CD109: variants seen among roughly 807,000 people sequenced by gnomAD.
The protein encoded by CD109 is CD109 molecule.
CD109 carries 149 observed loss-of-function variants against 165.8 expected under a neutral mutation model. The observed-to-expected ratio is 0.90, with a 90% CI of 0.79 to 1.03. The LOEUF is 1.03. Among genes scored for constraint, CD109 ranks in the 50% least tolerant of loss-of-function variants. CD109 has a pLI of 0.00. For synonymous variants in CD109, 585 were observed against 592.1 expected (o/e 0.99, Z 0.18); for missense variants, 1,712 against 1,677.8 (o/e 1.02, Z -0.36).
rs1774738331 is a variant in CD109, at chr6:73,787,399, A to G, written c.2503A>G (p.Thr835Ala). ...TCTGGGAGAAATTCCTATCACAGTC[A>G]CAGCTCTTTCACCCACTGCTTCTGA... Reference protein sequence around the residue: ...THLGEIPITVTALSPTASDAV... With the variant: ...THLGEIPITVAALSPTASDAV... Residue 835 changes from threonine to alanine, a missense_variant, in exon 21 of 33, where the codon ACA becomes GCA. Thr to Ala is a moderately conservative substitution (Grantham distance 58, BLOSUM62 0). Coordinates refer to ENST00000287097, the MANE Select transcript of CD109 (RefSeq NM_133493.5). 1.2e-6 allele frequency: 2 copies of G among 1,614,078 alleles called. No individual in the cohort carries two copies. Among genetic ancestry groups the G allele is most frequent in the Non-Finnish European group, 1.7e-6 (2 of 1,179,950 alleles).
intron 23 of CD109, among the ~76,000 whole-genome samples, chr6:73,800,237 G>A (rs1209320539): frequency 1.3e-5 from 2 of 151,990 alleles, no homozygotes; most frequent in Non-Finnish European, 2.9e-5. Context: ...ACTTAACAGT[G>A]TATCCAGGAA....
At chr6:73,742,806 T>A (rs1465926896) in intron 5 of CD109, among the ~76,000 whole-genome samples, 1 of 152,206 alleles carries the variant, frequency 6.6e-6, no homozygotes, top group African/African-American at 2.4e-5. Flanking sequence ...ACTGGGAGCT[T>A]GTTTAAAGAT....
At chr6:73,772,791 A>G (rs556091497) in intron 15 of CD109, among the ~76,000 whole-genome samples, 5 of 152,110 alleles carry the variant, frequency 3.3e-5, no homozygotes, top group African/African-American at 7.2e-5. Flanking sequence ...AAAGAAAACT[A>G]TATATAGTTG....
intron 23 of CD109, among the ~76,000 whole-genome samples, chr6:73,801,844 A>G (rs1053804741): frequency 6.6e-6 from 1 of 152,216 alleles, no homozygotes; most frequent in Non-Finnish European, 1.5e-5. Flanking sequence ...CTGTGCTGCA[A>G]AGCTCAGGCT....
chr6:73,737,403 C>T (rs1285442827), intron 5 of CD109, among the ~76,000 whole-genome samples: 1 of 152,108 alleles, frequency 6.6e-6, no homozygotes, highest in Non-Finnish European at 1.5e-5. Flanking sequence ...CACCCTGCAT[C>T]TTTATGGGTG....
At chr6:73,743,811 T>G (rs1256632279) in intron 5 of CD109, among the ~76,000 whole-genome samples, 6 of 152,208 alleles carry the variant, frequency 3.9e-5, no homozygotes, top group Non-Finnish European at 5.9e-5. Context: ...TCCAAAATAC[T>G]TTCACTAGTC....
At chr6:73,714,479 G>C (rs1027266562) in intron 2 of CD109, among the ~76,000 whole-genome samples, 2 of 152,186 alleles carry the variant, frequency 1.3e-5, no homozygotes, top group African/African-American at 2.4e-5. Context: ...CCCTAGTGCA[G>C]TTTCCCCCTT....
the CD109 span, among the ~76,000 whole-genome samples, chr6:73,689,006 G>A: frequency 5.3e-5 from 8 of 152,068 alleles, no homozygotes; most frequent in Non-Finnish European, 1.0e-4. Context: ...CTGAGCTCAA[G>A]CAGTACTCCT....
intron 22 of CD109, among the ~76,000 whole-genome samples, chr6:73,789,286 A>G (rs1283316794): frequency 6.6e-6 from 1 of 152,194 alleles, no homozygotes; most frequent in Non-Finnish European, 1.5e-5. Context: ...ACATAATAGT[A>G]CTTTTCAAAA....
intron 14 of CD109, among the ~76,000 whole-genome samples, chr6:73,770,883 G>T (rs939661398): frequency 1.3e-5 from 2 of 152,210 alleles, no homozygotes; most frequent in African/African-American, 4.8e-5. Context: ...GGGTAATGGT[G>T]AGGAAGTTTA....
the CD109 span, among the ~76,000 whole-genome samples, chr6:73,687,205 G>T: frequency 6.6e-5 from 10 of 151,914 alleles, no homozygotes; most frequent in African/African-American, 2.2e-4. Context: ...TCTACTATTT[G>T]GTTACCCAGT....
chr6:73,801,617 C>T (rs2150285145), intron 23 of CD109, among the ~76,000 whole-genome samples: 1 of 152,248 alleles, frequency 6.6e-6, no homozygotes, highest in East Asian at 1.9e-4. Flanking sequence ...TTTGGAAAGA[C>T]TCAGGGAGAA....
At position 73,825,314 on chromosome 6, in the gene CD109, T is replaced by C. The variant is rs1353371631; in HGVS notation, c.*1681T>C. 1 of 152,202 alleles carries C rather than the reference T, an allele frequency of 6.6e-6. No homozygotes were observed. Among genetic ancestry groups the C allele is most frequent in the Non-Finnish European group, 1.5e-5 (1 of 68,042 alleles). 9.4% of individuals were successfully genotyped at this position (152,202 alleles called of 1,614,324 possible). Reference sequence around the variant, plus strand: ...TTAAGTGGGGAAAAGTTTCTAGATCTCTTACACCTCTGACACAATCTGTTC... The same window carrying C: ...TTAAGTGGGGAAAAGTTTCTAGATCCCTTACACCTCTGACACAATCTGTTC... On this transcript the variant is annotated 3_prime_UTR_variant, in exon 33 of 33. Coordinates refer to ENST00000287097, the MANE Select transcript of CD109 (RefSeq NM_133493.5).
the CD109 span, among the ~76,000 whole-genome samples, chr6:73,683,236 T>A: frequency 6.6e-6 from 1 of 152,210 alleles, no homozygotes; most frequent in African/African-American, 2.4e-5. Flanking sequence ...AGCACCCAAG[T>A]CACCTCTTGA....
chr6:73,807,703 A>G (rs1164890996), intron 25 of CD109, among the ~76,000 whole-genome samples: 1 of 152,142 alleles, frequency 6.6e-6, no homozygotes, highest in East Asian at 1.9e-4. Flanking sequence ...ACTAGTAGGC[A>G]TGTAGAAGCT....
At chr6:73,758,329 G>A (rs1773478054) in intron 6 of CD109, among the ~76,000 whole-genome samples, 1 of 152,058 alleles carries the variant, frequency 6.6e-6, no homozygotes, top group African/African-American at 2.4e-5. Flanking sequence ...TTTTACTCTG[G>A]TGGAGTGCTT....
At chr6:73,787,597 C>T in intron 21 of CD109, 145 bp downstream of exon 21, 4 of 601,454 alleles carry the variant, frequency 6.7e-6, no homozygotes, top group South Asian at 2.2e-5. Flanking sequence ...ACTTTCTAAT[C>T]TGTATGTAAA....
intron 5 of CD109, among the ~76,000 whole-genome samples, chr6:73,740,790 C>T (rs980305669): frequency 1.3e-5 from 2 of 151,714 alleles, no homozygotes; most frequent in African/African-American, 4.8e-5. Flanking sequence ...ACGGTTTCAT[C>T]ATGTTGGCCA....
At position 73,811,018 on chromosome 6, in the gene CD109, G is replaced by T. The variant is rs1364172699; in HGVS notation, c.3573G>T (p.Leu1191=). Residue 1191 remains leucine, a synonymous_variant, in exon 28 of 33, where the codon CTG becomes CTT. Transcript: ENST00000287097. The part of the protein sequence containing the change: ...TQDTTVALKA[L]SEFAALMNTE... ...ATACCACTGTGGCTTTAAAGGCTCT[G>T]TCTGAATTTGCAGCCCTAATGAATA... 2.5e-6 allele frequency: 4 copies of T among 1,613,246 alleles called. No individual in the cohort carries two copies. The highest frequency in any genetic ancestry group is 2.5e-6 in the Non-Finnish European group (3 of 1,179,452).
Sources: allele counts gnomAD v4.1 joint callset (sites outside exome capture counted in the v4.1 genomes callset), GRCh38; gene constraint gnomAD v4.1.1; transcripts MANE v1.5; gene names NCBI Gene and HGNC (gene_info 2026-07-23, HGNC 2026-07-21).